CUBN: variants seen among roughly 807,000 people sequenced by gnomAD.
The protein encoded by CUBN is 460 kDa receptor.
In CUBN, 282 loss-of-function variants were observed where a neutral mutation model predicts 405.3. That is an observed-to-expected ratio of 0.70 (90% CI 0.63 to 0.77). The LOEUF (loss-of-function observed/expected upper bound fraction) is 0.77, where lower values mean the gene tolerates loss of function less well. Ranked by LOEUF, CUBN falls within the 30% of genes least tolerant of loss-of-function variation. The pLI, the probability that CUBN is intolerant of heterozygous loss-of-function variation, is 0.00. For synonymous variants in CUBN, 1,684 were observed against 1,617.0 expected, an observed-to-expected ratio of 1.04 and a Z score of -0.99; for missense variants, 4,514 against 4,475.2, an observed-to-expected ratio of 1.01 and a Z score of -0.25.
In CUBN at chr10:17,071,930, G is replaced by A. The variant is rs149758972; in HGVS notation, c.2343C>T (p.Asn781=). 50 of 1,612,906 alleles carry A rather than the reference G, an allele frequency of 3.1e-5. No individual in the cohort carries two copies. Among genetic ancestry groups the A allele is most frequent in the East Asian group, 6.7e-5 (3 of 44,822 alleles). The change falls in exon 18 of 67, where the codon AAC becomes AAT. Residue 781 remains asparagine (N), a synonymous_variant. Coordinates refer to ENST00000377833, the MANE Select transcript of CUBN (RefSeq NM_001081.4). ...GETLLGKVCG[N]GTISHIKSIT... ...TGGATTTAATGTGAGAGATGGTTCCGTTGCCACAGACTTTTCCAAGTAAGG... is the reference window on the plus strand; with the variant it reads ...TGGATTTAATGTGAGAGATGGTTCCATTGCCACAGACTTTTCCAAGTAAGG...
Position 17,115,569 on chromosome 10 carries a change from G to A in CUBN, c.622C>T (p.Pro208Ser), listed in dbSNP as rs371313784. 6 of 1,614,208 alleles carry A rather than the reference G, an allele frequency of 3.7e-6. No homozygotes were observed. In the Admixed American group the frequency reaches 1.0e-4, roughly 27 times the overall value. ...SCHCPPETYG[P>S]QCASKYDDCE... ...TCGTCATATTTGGATGCACACTGGG[G>A]TCCGTACGTCTCAGGTGGGCAGTGA... is the stretch of plus-strand genomic sequence containing the variant. The change falls in exon 7 of 67, where the codon CCC (proline) becomes TCC (serine). Residue 208 changes from proline to serine, a missense_variant. Transcript: ENST00000377833.
intron 31 of CUBN, among the ~76,000 whole-genome samples, chr10:16,970,198 C>T (rs1843513247): frequency 6.6e-6 from 1 of 152,230 alleles, no homozygotes; most frequent in Admixed American, 6.5e-5. Flanking sequence ...AGCAAGGACA[C>T]TTTCCATTTC....
rs146035059 is a variant in CUBN, at chr10:17,114,096, C to G, written c.814G>C (p.Gly272Arg). The change falls in exon 8 of 67, where the codon GGG becomes CGG. Residue 272 changes from glycine to arginine, a missense_variant. Gly to Arg is a moderately radical substitution (Grantham distance 125, BLOSUM62 -2). This residue lies in a region of CUBN where 1,448 missense variants were observed against 1,388.0 expected (regional missense o/e 1.04). Coordinates refer to ENST00000377833, the MANE Select transcript of CUBN (RefSeq NM_001081.4). Reference protein sequence around the residue: ...LDRDECSFQPGPCSTLVQCFN... With the variant: ...LDRDECSFQPRPCSTLVQCFN... ...CACTGCACAAGTGTGGAGCAAGGCC[C>G]GGGCTGGAAGCTGCACTCGTCTCTG... is the stretch of plus-strand genomic sequence containing the variant. The G allele has an allele frequency of 1.3e-5, 21 of 1,613,196 alleles. No individual in the cohort carries two copies. The highest frequency in any genetic ancestry group is 1.6e-4 in the Middle Eastern group (1 of 6,082).
chr10:17,021,118 A>AT (rs151045351), intron 27 of CUBN, among the ~76,000 whole-genome samples: 48 of 149,646 alleles, frequency 3.2e-4, no homozygotes, highest in Admixed American at 1.5e-3. Context: ...ACATTGAAGG[A>AT]TTTTTTTTTT....
intron 13 of CUBN, among the ~76,000 whole-genome samples, chr10:17,100,836 A>G (rs1035677965): frequency 3.9e-5 from 6 of 152,216 alleles, no homozygotes; most frequent in African/African-American, 1.4e-4. Flanking sequence ...AAGGATGAGT[A>G]ATACCAAGAG....
At chr10:16,944,210 AT>A (rs1218492187) in intron 36 of CUBN, among the ~76,000 whole-genome samples, 12 of 152,182 alleles carry the variant, frequency 7.9e-5, no homozygotes, top group Non-Finnish European at 1.8e-4. Context: ...GAATAGAAAG[AT>A]TTTAGAGACA....
chr10:16,908,850 TC>T (rs1331388523), intron 48 of CUBN, among the ~76,000 whole-genome samples: 2 of 148,788 alleles, frequency 1.3e-5, no homozygotes, highest in Non-Finnish European at 3.0e-5. Context: ...GAGAATGCAC[TC>T]CACAACAAAA....
chr10:16,999,540 T>C (rs1216779435), intron 28 of CUBN, among the ~76,000 whole-genome samples: 1 of 152,220 alleles, frequency 6.6e-6, no homozygotes, highest in African/African-American at 2.4e-5. Context: ...TGGATGTTTT[T>C]GAAATGATTG....
At chr10:16,834,406 G>T (rs1359570776) in intron 64 of CUBN, among the ~76,000 whole-genome samples, 1 of 152,052 alleles carries the variant, frequency 6.6e-6, no homozygotes, top group South Asian at 2.1e-4. Context: ...GGAGTGGGGG[G>T]TGGGTGTGTG....
chr10:17,109,147 A>C (rs1040753803), intron 10 of CUBN, among the ~76,000 whole-genome samples: 29 of 152,338 alleles, frequency 1.9e-4, no homozygotes, highest in Admixed American at 1.2e-3. Context: ...ATTTTGTTAA[A>C]TTACAGGGTT....
chr10:16,863,446 G>C (rs1840075025), intron 59 of CUBN, among the ~76,000 whole-genome samples: 1 of 152,184 alleles, frequency 6.6e-6, no homozygotes, highest in African/African-American at 2.4e-5. Context: ...TGTTTGATCA[G>C]TGATTTATCC....
intron 33 of CUBN, among the ~76,000 whole-genome samples, chr10:16,951,568 C>T (rs1223066169): frequency 1.3e-5 from 2 of 152,276 alleles, no homozygotes; most frequent in South Asian, 2.1e-4. Flanking sequence ...CCCAGCATCA[C>T]CCGCTTTGCA....
intron 37 of CUBN, among the ~76,000 whole-genome samples, chr10:16,939,541 A>G (rs1173777663): frequency 1.3e-5 from 2 of 152,242 alleles, no homozygotes; most frequent in East Asian, 3.8e-4. Context: ...TACATATGAA[A>G]TAGCCAATAA....
Position 16,900,778 on chromosome 10 carries a change from C to A in CUBN, c.8257G>T (p.Gly2753Trp), listed in dbSNP as rs1841339201. Residue 2753 changes from glycine (G) to tryptophan (W), a missense_variant, in exon 53 of 67, where the codon GGG becomes TGG. Physicochemically the swap from Gly to Trp is radical, Grantham distance 184 (BLOSUM62 -2). This residue lies in a region of CUBN where 1,186 missense variants were observed against 1,186.9 expected (regional missense o/e 1.00). Transcript: ENST00000377833. ...CCTATGATGGGTGATTCAGGGGACC[C>A]ACCATTCCTGACAGTGACAGAGTCC... ...AWDSVTVRNG[G>W]SPESPIIGQY... 6.2e-7 allele frequency: 1 copy of A among 1,614,006 alleles called. No individual in the cohort carries two copies. Among genetic ancestry groups the A allele is most frequent in the Non-Finnish European group, 8.5e-7 (1 of 1,179,976 alleles).
intron 51 of CUBN, among the ~76,000 whole-genome samples, chr10:16,902,173 T>C (rs1408738873): frequency 7.3e-6 from 1 of 136,308 alleles, no homozygotes; most frequent in African/African-American, 2.7e-5. Context: ...ATACTATATA[T>C]AGTATATATA....
chr10:17,058,302 G>C (rs902617734), intron 22 of CUBN, among the ~76,000 whole-genome samples: 1 of 151,980 alleles, frequency 6.6e-6, no homozygotes, highest in Non-Finnish European at 1.5e-5. Flanking sequence ...AGAAGTATTC[G>C]ATAGCTTGAA....
intron 45 of CUBN, among the ~76,000 whole-genome samples, chr10:16,917,999 C>T (rs750365442): frequency 1.6e-4 from 24 of 152,070 alleles, no homozygotes; most frequent in Non-Finnish European, 2.8e-4. Flanking sequence ...CAGTTTCAAT[C>T]TTCTGTATAC....
At chr10:16,964,240 A>G (rs59357328) in intron 31 of CUBN, among the ~76,000 whole-genome samples, 17,722 of 152,222 alleles carry the variant, frequency 0.12, 1,550 homozygotes, top group African/African-American at 0.26. Context: ...TAAGATTCAC[A>G]TATAAAGATA....
At chr10:17,039,845 A>T (rs950655592) in intron 27 of CUBN, among the ~76,000 whole-genome samples, 1 of 152,110 alleles carries the variant, frequency 6.6e-6, no homozygotes. Flanking sequence ...ATAAGGCAAA[A>T]TTTTTTCCCA....
Sources: allele counts gnomAD v4.1 joint callset (sites outside exome capture counted in the v4.1 genomes callset), GRCh38; gene constraint gnomAD v4.1.1; regional missense constraint gnomAD v4.1.1; transcripts MANE v1.5; gene names NCBI Gene and HGNC (gene_info 2026-07-23, HGNC 2026-07-21).